The following CDK15 variants were observed in gnomAD, a reference collection of about 807,000 sequenced individuals.
CDK15 encodes the protein cyclin dependent kinase 15.
In CDK15, 62 loss-of-function variants were observed where a neutral mutation model predicts 60.3. The observed-to-expected ratio is 1.03, with a 90% CI of 0.84 to 1.27. The LOEUF (loss-of-function observed/expected upper bound fraction) is 1.27, where lower values mean the gene tolerates loss of function less well. Ranked by LOEUF, CDK15 falls within the 50% of genes most tolerant of loss-of-function variation. The probability of loss-of-function intolerance (pLI) is 0.00; values close to 1 mark genes in which losing one functional copy is unlikely to be tolerated. For synonymous variants in CDK15, 194 were observed against 195.7 expected (o/e 0.99, Z 0.07); for missense variants, 541 against 527.8 (o/e 1.03, Z -0.25).
intron 8 of CDK15, 94 bp from the exon 9 acceptor site, chr2:201,847,287 C>T: frequency 7.8e-7 from 1 of 1,274,746 alleles, no homozygotes; most frequent in South Asian, 1.3e-5. Flanking sequence ...TTAACTCTCC[C>T]TAAAATATTT....
At chr2:201,877,182 C>T (rs1699109962) in intron 11 of CDK15, among the ~76,000 whole-genome samples, 1 of 152,212 alleles carries the variant, frequency 6.6e-6, no homozygotes, top group Non-Finnish European at 1.5e-5. Context: ...AGACACTCTA[C>T]ACAAACACAG....
At chr2:201,847,647 T>A (rs1697728953) in intron 9 of CDK15, among the ~76,000 whole-genome samples, 173 bp downstream of exon 9, 1 of 152,170 alleles carries the variant, frequency 6.6e-6, no homozygotes, top group Non-Finnish European at 1.5e-5. Context: ...GAATGTGTGG[T>A]CAGGAAACTC....
Position 201,806,766 on chromosome 2 carries a change from G to A in CDK15, c.102G>A (p.Glu34=). The A allele has an allele frequency of 1.3e-6, 2 of 1,598,520 alleles. No individual in the cohort carries two copies. The highest frequency in any genetic ancestry group is 1.7e-6 in the Non-Finnish European group (2 of 1,179,702). The change falls in exon 1 of 14, where the codon GAG becomes GAA. Residue 34 remains glutamate, a synonymous_variant. Coordinates refer to ENST00000652192, the MANE Select transcript of CDK15 (RefSeq NM_001366386.2). ...ACAGCTGTCGGAGGAGTCAGCCTGA[G>A]ACCACGGAGGCTGCGTTCAAGGTAT... ...EAHSCRRSQP[E]TTEAAFKLTD...
rs116085618 is a variant in CDK15, at chr2:201,885,133, C to G, written c.1198+4966C>G. Among the ~76,000 whole-genome samples the G allele has an allele frequency of 7.2e-3, 1,100 of 152,310 alleles. 6 individuals carry two copies. Among genetic ancestry groups the G allele is most frequent in the Non-Finnish European group, 0.011 (758 of 68,024 alleles). ...GTTGTCTTCTTTTTAATCATAGTGG[C>G]TCAGTCTTAACTCATATACCATTGT... is the stretch of plus-strand genomic sequence containing the variant. On this transcript the variant is annotated intron_variant, in intron 12 of 13. Transcript: ENST00000652192.
rs946606635 is a variant in CDK15, at chr2:201,806,558, T to C, written c.-107T>C. 9.9e-6 allele frequency: 13 copies of C among 1,312,948 alleles called. No homozygotes were observed. Among genetic ancestry groups the C allele is most frequent in the Non-Finnish European group, 1.3e-5 (13 of 997,184 alleles). 81.3% of individuals were successfully genotyped at this position (1,312,948 alleles called of 1,614,324 possible). ...AGGCAGAGCCATCATGTGAGTCATA[T>C]GAAAGCTCCACGCTGCTGACCTCTG... is the stretch of plus-strand genomic sequence containing the variant. On this transcript the variant is annotated 5_prime_UTR_variant, in exon 1 of 14. The change abolishes an upstream ATG in the 5' untranslated region. Transcript: ENST00000652192.
chr2:201,828,551 A>AC (rs5837792), intron 6 of CDK15, among the ~76,000 whole-genome samples: 139,168 of 152,138 alleles, frequency 0.91, 64,108 homozygotes, highest in East Asian at 1. Flanking sequence ...CATACTCTTG[A>AC]TGCATTGACC....
intron 10 of CDK15, among the ~76,000 whole-genome samples, chr2:201,868,590 G>C (rs1352070391): frequency 6.6e-6 from 1 of 152,086 alleles, no homozygotes; most frequent in Non-Finnish European, 1.5e-5. Flanking sequence ...TGAGAAAACT[G>C]AGGGTTGCCC....
intron 4 of CDK15, among the ~76,000 whole-genome samples, chr2:201,815,677 T>C (rs1695959421): frequency 6.6e-6 from 1 of 152,238 alleles, no homozygotes; most frequent in African/African-American, 2.4e-5. Flanking sequence ...ATAATGTGCA[T>C]TGTTTTAAAT....
chr2:201,828,425 G>A (rs937889920), intron 6 of CDK15, among the ~76,000 whole-genome samples: 5 of 152,068 alleles, frequency 3.3e-5, no homozygotes, highest in Non-Finnish European at 5.9e-5. Context: ...CAGCTTGTAG[G>A]AATGTAGAGC....
At chr2:201,808,435 T>C (rs866545487) in intron 3 of CDK15, among the ~76,000 whole-genome samples, 1 of 152,230 alleles carries the variant, frequency 6.6e-6, no homozygotes, top group Non-Finnish European at 1.5e-5. Flanking sequence ...ATGCAAAAGA[T>C]GATAAATCCT....
chr2:201,872,437 G>C (rs1698885018), intron 11 of CDK15, 111 bp downstream of exon 11: 3 of 1,151,060 alleles, frequency 2.6e-6, no homozygotes, highest in African/African-American at 1.5e-5. Context: ...TTCCATGTGG[G>C]GGCTCTAAGC....
intron 12 of CDK15, chr2:201,888,593 T>C: frequency 2.8e-6 from 4 of 1,441,906 alleles, no homozygotes; most frequent in Non-Finnish European, 3.6e-6. Flanking sequence ...TATTTCCCTT[T>C]CTTTCTTTCT....
chr2:201,856,641 C>T (rs1698155431), intron 10 of CDK15, among the ~76,000 whole-genome samples: 1 of 152,102 alleles, frequency 6.6e-6, no homozygotes, highest in Admixed American at 6.5e-5. Flanking sequence ...CTTTTCCTGC[C>T]CTGCCTGTAC....
Position 201,807,875 on chromosome 2 carries a change from T to G in CDK15, c.291T>G (p.Phe97Leu). The G allele has an allele frequency of 1.9e-6, 3 of 1,613,980 alleles. No individual in the cohort carries two copies. The highest frequency in any genetic ancestry group is 2.5e-6 in the Non-Finnish European group (3 of 1,179,958). ...TAGAGCAGAGGAAGAGCCTCCCTTTTGGGGCAGCCTCATCTTACTTGAACT... is the reference window on the plus strand; with the variant it reads ...TAGAGCAGAGGAAGAGCCTCCCTTTGGGGGCAGCCTCATCTTACTTGAACT... ...QGFQWRKSLP[F>L]GAASSYLNLE... is the part of the protein sequence containing the mutation. The change falls in exon 3 of 14, where the codon TTT becomes TTG. Residue 97 changes from phenylalanine to leucine, a missense_variant. Transcript: ENST00000652192.
chr2:201,852,363 T>G (rs1172546899), intron 9 of CDK15, among the ~76,000 whole-genome samples: 1 of 152,172 alleles, frequency 6.6e-6, no homozygotes. Flanking sequence ...TATCCTGAGA[T>G]CTCACTCTTA....
intron 12 of CDK15, among the ~76,000 whole-genome samples, chr2:201,886,683 T>G (rs940878977): frequency 5.3e-5 from 8 of 152,176 alleles, no homozygotes; most frequent in African/African-American, 1.9e-4. Context: ...CATTCAGTTT[T>G]ATAAGAAAAC....
At chr2:201,876,668 T>C in intron 11 of CDK15, 1 of 856,352 alleles carries the variant, frequency 1.2e-6, no homozygotes, top group Non-Finnish European at 1.7e-6. Flanking sequence ...GAAACAACCC[T>C]GTGGGGAGGG....
chr2:201,859,248 G>A (rs781679884), intron 10 of CDK15, among the ~76,000 whole-genome samples: 3 of 152,180 alleles, frequency 2.0e-5, no homozygotes, highest in South Asian at 4.1e-4. Flanking sequence ...GAGTTGTGGC[G>A]CTGAAGATCC....
chr2:201,826,961 A>G (rs1490888431), intron 6 of CDK15, among the ~76,000 whole-genome samples: 1 of 152,218 alleles, frequency 6.6e-6, no homozygotes, highest in Admixed American at 6.5e-5. Flanking sequence ...GAGGACAAAC[A>G]TTTTGCCTGA....
Sources: gnomAD v4.1 joint callset for allele counts (sites outside exome capture counted in the v4.1 genomes callset) on GRCh38, gnomAD v4.1.1 for gene constraint, MANE v1.5 for transcripts, NCBI Gene and HGNC (gene_info 2026-07-23, HGNC 2026-07-21) for gene names.